Variants in ECT2 observed in about 807,000 individuals in gnomAD.
The protein encoded by ECT2 is protein ECT2.
Under a neutral mutation model 116.9 loss-of-function variants are expected in ECT2, and 61 were observed. That is an observed-to-expected ratio of 0.52 (90% confidence interval 0.42 to 0.65). The LOEUF (loss-of-function observed/expected upper bound fraction) is 0.65. Ranked by LOEUF, ECT2 falls within the 30% of genes least tolerant of loss-of-function variation. The pLI, the probability that ECT2 is intolerant of heterozygous loss-of-function variation, is 0.00. For missense variants in ECT2, 937 were observed against 1,078.7 expected (o/e 0.87, Z 1.84); for synonymous variants, 358 against 346.4 (o/e 1.03, Z -0.37).
chr3:172,790,586 T>G (rs114088338), intron 18 of ECT2, among the ~76,000 whole-genome samples: 4,415 of 152,316 alleles, frequency 0.029, 106 homozygotes, highest in Non-Finnish European at 0.038. Flanking sequence ...TTCAATTGAC[T>G]TAGTGATTCT....
intron 1 of ECT2, among the ~76,000 whole-genome samples, chr3:172,753,257 C>G (rs956696979): frequency 6.6e-6 from 1 of 152,044 alleles, no homozygotes; most frequent in East Asian, 1.9e-4. Flanking sequence ...CCACCCACAC[C>G]TGGCTAATTT....
At chr3:172,824,709 A>G (rs529761321), downstream of ECT2, among the ~76,000 whole-genome samples, 3 of 152,252 alleles carry the variant, frequency 2.0e-5, no homozygotes, top group African/African-American at 7.2e-5. Context: ...CTATATCTGT[A>G]TATAAGTTCT....
chr3:172,799,572 A>C (rs975339903), intron 18 of ECT2, among the ~76,000 whole-genome samples: 18 of 152,238 alleles, frequency 1.2e-4, no homozygotes, highest in Non-Finnish European at 2.4e-4. Context: ...TAACTTTAGC[A>C]ATATCTGTAA....
intron 18 of ECT2, among the ~76,000 whole-genome samples, chr3:172,787,276 A>G (rs1454145075): frequency 1.3e-5 from 2 of 152,212 alleles, no homozygotes; most frequent in Non-Finnish European, 2.9e-5. Context: ...GTGCTTCTGT[A>G]TGAGAGTTTC....
In ECT2 at chr3:172,762,287, C is replaced by G. The variant is rs990706211; in HGVS notation, c.759-129C>G. On this transcript the variant is annotated intron_variant, in intron 8 of 24. Transcript: ENST00000392692. ...GAAGTTTTTGTGAGCATTTCAGGACCAAATATTAAATAGTTTCAATAGATA... is the reference window on the plus strand; with the variant it reads ...GAAGTTTTTGTGAGCATTTCAGGACGAAATATTAAATAGTTTCAATAGATA... 13 of 995,960 alleles carry G rather than the reference C, an allele frequency of 1.3e-5. No individual in the cohort carries two copies. In the Admixed American group the frequency reaches 4.2e-4, roughly 32 times the overall value. 61.7% of individuals were successfully genotyped at this position (995,960 alleles called of 1,614,324 possible). A position where few individuals can be genotyped will look rare whatever the true frequency, so the allele number is the denominator to read the frequency against.
At chr3:172,753,714 T>C (rs1716391569) in intron 1 of ECT2, among the ~76,000 whole-genome samples, 1 of 152,316 alleles carries the variant, frequency 6.6e-6, no homozygotes, top group East Asian at 1.9e-4. Context: ...ATGTAAATTA[T>C]GATTTGTGCC....
intron 22 of ECT2, among the ~76,000 whole-genome samples, chr3:172,812,135 G>A (rs1031144915): frequency 6.6e-6 from 1 of 151,834 alleles, no homozygotes; most frequent in African/African-American, 2.4e-5. Flanking sequence ...AGACGTGCAC[G>A]ACCATGCCCG....
chr3:172,780,926 T>G (rs1328611081), intron 14 of ECT2, among the ~76,000 whole-genome samples: 1 of 152,208 alleles, frequency 6.6e-6, no homozygotes, highest in African/African-American at 2.4e-5. Flanking sequence ...CTCTGTAAAT[T>G]CTAGATACAA....
chr3:172,812,285 T>C (rs9844227), intron 22 of ECT2, among the ~76,000 whole-genome samples: 151,518 of 152,336 alleles, frequency 0.99, 75,355 homozygotes, highest in East Asian at 1. Flanking sequence ...CCACCATGTC[T>C]GGCCAAAAAT....
chr3:172,827,652 A>G, the ECT2 span, among the ~76,000 whole-genome samples: 2 of 152,076 alleles, frequency 1.3e-5, no homozygotes, highest in Admixed American at 1.3e-4. Flanking sequence ...AGGTATAAAG[A>G]GGGGTTGGTC....
At chr3:172,752,446 A>G (rs1716073387) in intron 1 of ECT2, 1 of 149,046 alleles carries the variant, frequency 6.7e-6, no homozygotes, top group Non-Finnish European at 1.5e-5. Context: ...GGTATTTTTG[A>G]TTTTCCTCTT....
intron 14 of ECT2, among the ~76,000 whole-genome samples, chr3:172,776,198 C>CTGTTTTTTT (rs1721665176): frequency 1.8e-5 from 2 of 111,602 alleles, no homozygotes; most frequent in Admixed American, 9.6e-5. Context: ...TCAGTTTTTT[C>CTGTTTTTTT]TTTTTTTTTT....
Position 172,773,707 on chromosome 3 carries a change from A to G in ECT2, c.1429-196A>G, listed in dbSNP as rs567239919. ...CATTTCATGACGAGCATATGTATAT[A>G]CATATACACAGGTATATAAATGGAG... On this transcript the variant is annotated intron_variant, in intron 13 of 24. Coordinates refer to ENST00000392692, the MANE Select transcript of ECT2 (RefSeq NM_001258315.2). Among the ~76,000 whole-genome samples the G allele has an allele frequency of 8.3e-4, 126 of 152,358 alleles. 2 individuals are homozygous for G. Among genetic ancestry groups the G allele is most frequent in the Non-Finnish European group, 1.5e-3 (99 of 68,032 alleles).
At chr3:172,784,031 T>G (rs1286436097) in intron 16 of ECT2, 122 bp downstream of exon 16, 2 of 679,326 alleles carry the variant, frequency 2.9e-6, no homozygotes, top group East Asian at 6.0e-5. Context: ...ATCTGTTAAT[T>G]TTAGTTGTAC....
At chr3:172,790,347 A>T (rs1052823412) in intron 18 of ECT2, among the ~76,000 whole-genome samples, 1 of 152,242 alleles carries the variant, frequency 6.6e-6, no homozygotes, top group Non-Finnish European at 1.5e-5. Context: ...AGCTCAGGCC[A>T]TTCCTACCAA....
chr3:172,782,809 T>G (rs553064172), intron 15 of ECT2, among the ~76,000 whole-genome samples: 93 of 152,194 alleles, frequency 6.1e-4, no homozygotes, highest in African/African-American at 2.1e-3. Flanking sequence ...TCTGTTCCTG[T>G]GTTAGTTTGT....
intron 21 of ECT2, among the ~76,000 whole-genome samples, chr3:172,807,232 A>G (rs1727931428): frequency 6.6e-6 from 1 of 152,184 alleles, no homozygotes. Flanking sequence ...TTGTTATACT[A>G]TATTGTTTAG....
At chr3:172,784,882 ATTTTTAGAG>A (rs1297561856) in intron 17 of ECT2, 79 bp downstream of exon 17, 1 of 904,228 alleles carries the variant, frequency 1.1e-6, no homozygotes, top group Non-Finnish European at 1.7e-6. Context: ...ATTTCTTCTC[ATTTTTAGAG>A]TTTCTTAGAT....
rs770285262 is a variant in ECT2 at position 172,764,353 on chromosome 3, C to T, written c.1144C>T (p.Arg382Cys). The T allele has an allele frequency of 9.3e-6, 15 of 1,614,032 alleles. No homozygotes were observed. In the Admixed American group the frequency reaches 2.2e-4, roughly 23 times the overall value. The change falls in exon 12 of 25, where the codon CGT becomes TGT. Residue 382 changes from arginine to cysteine, a missense_variant. Physicochemically the swap from Arg to Cys is radical, Grantham distance 180 (BLOSUM62 -3). Transcript: ENST00000392692. ...CCCTAACAGCAATCGCAAACGACGT[C>T]GTTTAAAAGAAACACTTGCTCAGCT... is the stretch of plus-strand genomic sequence containing the variant. Reference protein sequence around the residue: ...NTPNSNRKRRRLKETLAQLSR... With the variant: ...NTPNSNRKRRCLKETLAQLSR...
Sources: gnomAD v4.1 joint callset for allele counts (sites outside exome capture counted in the v4.1 genomes callset) on GRCh38, gnomAD v4.1.1 for gene constraint, MANE v1.5 for transcripts, NCBI Gene and HGNC (gene_info 2026-07-23, HGNC 2026-07-21) for gene names.